The following EXTL3 variants were observed in gnomAD, a reference collection of about 807,000 sequenced individuals.
The protein encoded by EXTL3 is exostosin like glycosyltransferase 3.
Under a neutral mutation model 69.3 loss-of-function variants are expected in EXTL3, and 27 were observed. That is an observed-to-expected ratio of 0.39 (90% CI 0.29 to 0.54). The LOEUF is 0.54. Ranked by LOEUF, EXTL3 falls within the 20% of genes least tolerant of loss-of-function variation. EXTL3 has a pLI of 0.69. For missense variants in EXTL3, 1,003 were observed against 1,231.8 expected, an observed-to-expected ratio of 0.81 and a Z score of 2.78; for synonymous variants, 511 against 499.4, an observed-to-expected ratio of 1.02 and a Z score of -0.31.
At chr8:28,734,445 C>G (rs1801604552) in intron 4 of EXTL3, among the ~76,000 whole-genome samples, 1 of 152,200 alleles carries the variant, frequency 6.6e-6, no homozygotes, top group Non-Finnish European at 1.5e-5. Flanking sequence ...GGTGTAGTGG[C>G]TTACACCTGT....
chr8:28,651,132 A>G (rs1411233369), intron 1 of EXTL3, among the ~76,000 whole-genome samples: 3 of 152,180 alleles, frequency 2.0e-5, no homozygotes, highest in Admixed American at 2.0e-4. Flanking sequence ...TGCTGCAATG[A>G]GCATGTCCTT....
chr8:28,714,294 C>G (rs2130731203), intron 2 of EXTL3, among the ~76,000 whole-genome samples: 1 of 152,060 alleles, frequency 6.6e-6, no homozygotes, highest in East Asian at 1.9e-4. Flanking sequence ...TAAAATGTTA[C>G]TTGAAAAAAT....
chr8:28,706,604 C>A (rs945068554), intron 1 of EXTL3, among the ~76,000 whole-genome samples: 1 of 152,182 alleles, frequency 6.6e-6, no homozygotes, highest in Admixed American at 6.5e-5. Flanking sequence ...TCCTGCTTAG[C>A]ACCAGATATT....
chr8:28,611,476 G>C (rs1409821189), intron 2 of EXTL3, among the ~76,000 whole-genome samples: 2 of 151,966 alleles, frequency 1.3e-5, no homozygotes, highest in Non-Finnish European at 2.9e-5. Context: ...CACATTGACT[G>C]TTATGGTCTC....
intron 1 of EXTL3, among the ~76,000 whole-genome samples, chr8:28,655,322 T>G (rs1425009933): frequency 6.6e-6 from 1 of 152,102 alleles, no homozygotes; most frequent in Non-Finnish European, 1.5e-5. Context: ...AGACAAATAT[T>G]ATTATGCCTA....
At chr8:28,738,484 G>C (rs898472780) in intron 5 of EXTL3, among the ~76,000 whole-genome samples, 10 of 152,108 alleles carry the variant, frequency 6.6e-5, no homozygotes, top group Non-Finnish European at 1.3e-4. Context: ...ACTTTTTAAC[G>C]ATGTAGCTTC....
At chr8:28,708,426 CTTTTTT>C (rs71549693) in intron 1 of EXTL3, among the ~76,000 whole-genome samples, 3 of 118,750 alleles carry the variant, frequency 2.5e-5, no homozygotes, top group Non-Finnish European at 5.3e-5. Flanking sequence ...TGGGAAGTGC[CTTTTTT>C]TTTTTTTTTT....
At position 28,627,042 on chromosome 8, in the gene EXTL3, C is replaced by T. The variant is rs536565080; in HGVS notation, c.-53+4232C>T. 1.3e-4 allele frequency among the ~76,000 whole-genome samples: 19 copies of T among 151,834 alleles called. 1 individual carries two copies. The highest frequency in any genetic ancestry group is 6.2e-4 in the South Asian group (3 of 4,818). On this transcript the variant is annotated intron_variant, in intron 1 of 6. Coordinates refer to the EXTL3 transcript ENST00000523149. ...CTAAAAATACAAAAAATTAGCTGGGCGTGGTGGCGGGCGCCTGTAGTCCCA... is the reference window on the plus strand; with the variant it reads ...CTAAAAATACAAAAAATTAGCTGGGTGTGGTGGCGGGCGCCTGTAGTCCCA...
At chr8:28,671,252 G>T (rs1042858241) in intron 1 of EXTL3, among the ~76,000 whole-genome samples, 4 of 150,068 alleles carry the variant, frequency 2.7e-5, no homozygotes, top group Non-Finnish European at 5.9e-5. Flanking sequence ...AAAGTGCTGG[G>T]ATTACAGGCA....
intron 1 of EXTL3, among the ~76,000 whole-genome samples, chr8:28,634,906 T>A (rs1157685085): frequency 6.6e-6 from 1 of 152,052 alleles, no homozygotes; most frequent in East Asian, 1.9e-4. Context: ...ACATCTGCTT[T>A]TTTGCCACAC....
At chr8:28,680,292 A>C (rs889113185) in intron 1 of EXTL3, among the ~76,000 whole-genome samples, 1 of 149,928 alleles carries the variant, frequency 6.7e-6, no homozygotes, top group Non-Finnish European at 1.5e-5. Context: ...TCCGAGGCTG[A>C]GGCAGGAGAA....
intron 3 of EXTL3, 80 bp downstream of exon 3, chr8:28,718,287 T>G (rs1056762358): frequency 7.2e-7 from 1 of 1,381,558 alleles, no homozygotes; most frequent in Non-Finnish European, 1.0e-6. Context: ...TCCTTCACTT[T>G]AGCAATCGTA....
At chr8:28,649,135 C>T (rs1806879412) in intron 1 of EXTL3, among the ~76,000 whole-genome samples, 1 of 152,216 alleles carries the variant, frequency 6.6e-6, no homozygotes, top group African/African-American at 2.4e-5. Flanking sequence ...AACTCCTGGG[C>T]TGAAGTGAGC....
chr8:28,715,912 A>C lies in EXTL3; in HGVS notation c.-148A>C. 4.6e-6 allele frequency: 3 copies of C among 656,230 alleles called. No individual in the cohort carries two copies. Among genetic ancestry groups the C allele is most frequent in the Non-Finnish European group, 7.8e-6 (3 of 384,676 alleles). 40.7% of individuals were successfully genotyped at this position (656,230 alleles called of 1,614,324 possible). On this transcript the variant is annotated 5_prime_UTR_variant, in exon 3 of 7. Transcript: ENST00000220562. ...TTTCAGCTGCAGCTGAGGAAAATGA[A>C]ATGTTCATTTTATTTGGTGCCTTGT...
intron 2 of EXTL3, among the ~76,000 whole-genome samples, chr8:28,614,265 T>C (rs1806304540): frequency 6.7e-6 from 1 of 149,448 alleles, no homozygotes; most frequent in Non-Finnish European, 1.5e-5. Flanking sequence ...CTTTGTGGGG[T>C]TTTTTGCTTT....
chr8:28,733,286 T>A (rs1485270516), intron 4 of EXTL3, among the ~76,000 whole-genome samples: 1 of 152,192 alleles, frequency 6.6e-6, no homozygotes, highest in Non-Finnish European at 1.5e-5. Context: ...TTCTAGCTTC[T>A]CCACATCTTC....
At chr8:28,653,022 C>T (rs1301151791) in intron 1 of EXTL3, among the ~76,000 whole-genome samples, 3 of 152,168 alleles carry the variant, frequency 2.0e-5, no homozygotes, top group Admixed American at 2.0e-4. Context: ...ATTGACATAT[C>T]ATTAGCACCC....
In EXTL3 at chr8:28,652,487, T is replaced by C. The variant is rs939439021; in HGVS notation, c.-53+29677T>C. ...GCCTGCGCAACACAGGGAGGCCCCATAGCTACAAAAAAAAAAATTATCTGG... is the reference window on the plus strand; with the variant it reads ...GCCTGCGCAACACAGGGAGGCCCCACAGCTACAAAAAAAAAAATTATCTGG... On this transcript the variant is annotated intron_variant, in intron 1 of 6. Coordinates refer to the EXTL3 transcript ENST00000523149. 3.3e-5 allele frequency among the ~76,000 whole-genome samples: 5 copies of C among 151,022 alleles called. No homozygotes were observed. In the South Asian group the frequency reaches 8.3e-4, roughly 25 times the overall value.
rs148681587 is a variant in EXTL3 at position 28,716,582 on chromosome 8, C to T, written c.523C>T (p.Arg175Trp). 7.6e-5 allele frequency: 122 copies of T among 1,614,204 alleles called. No individual in the cohort carries two copies. Among genetic ancestry groups the T allele is most frequent in the Non-Finnish European group, 9.2e-5 (109 of 1,180,028 alleles). Residue 175 changes from arginine (R) to tryptophan (W), a missense_variant, in exon 3 of 7, where the codon CGG becomes TGG. This residue lies in a region of EXTL3 where 742 missense variants were observed against 815.4 expected (regional missense o/e 0.91). Transcript: ENST00000220562. The surrounding 1 kb of genome is among the most constrained non-coding windows in gnomAD (Gnocchi z 7.1). ...CGGCCTCCCTCCCCCGAAGGCCACT[C>T]GGGGCTGCCGGCTACACAACTGCTT... ...DAGLPPPKAT[R>W]GCRLHNCFDY...
Sources: allele counts gnomAD v4.1 joint callset (sites outside exome capture counted in the v4.1 genomes callset), GRCh38; gene constraint gnomAD v4.1.1; regional missense constraint gnomAD v4.1.1; non-coding constraint Gnocchi (gnomAD v3.1); transcripts MANE v1.5; gene names NCBI Gene and HGNC (gene_info 2026-07-23, HGNC 2026-07-21).